Variants in NRG3 observed in about 807,000 individuals in gnomAD.
The protein encoded by NRG3 is neuregulin 3.
NRG3 carries 31 observed loss-of-function variants against 66.9 expected under a neutral mutation model. The observed-to-expected ratio is 0.46, with a 90% CI of 0.35 to 0.63. The LOEUF is 0.63. Ranked by LOEUF, NRG3 falls within the 20% of genes least tolerant of loss-of-function variation. The pLI is 0.00. For synonymous variants in NRG3, 393 were observed against 359.4 expected (o/e 1.09, Z -1.06); for missense variants, 910 against 878.9 (o/e 1.04, Z -0.45).
rs371719699 is a variant in NRG3 at position 82,861,933 on chromosome 10, T to C, written c.1028-3478T>C. On this transcript the variant is annotated intron_variant, in intron 3 of 8. Transcript: ENST00000372141. ...TTCACAAATATTATTTTTAGTGTAA[T>C]GATAGGTAATCCTTATTTTAAATGT... 1.7e-4 allele frequency among the ~76,000 whole-genome samples: 26 copies of C among 152,362 alleles called. No homozygotes were observed. In the East Asian group the frequency reaches 3.5e-3, roughly 20 times the overall value.
intron 1 of NRG3, among the ~76,000 whole-genome samples, chr10:81,991,895 C>T (rs2060756655): frequency 6.6e-6 from 1 of 151,970 alleles, no homozygotes; most frequent in African/African-American, 2.4e-5. Flanking sequence ...CCAATAATTT[C>T]CATAATTATT....
chr10:81,997,053 A>G (rs1256679282), intron 1 of NRG3, among the ~76,000 whole-genome samples: 3 of 152,196 alleles, frequency 2.0e-5, no homozygotes, highest in African/African-American at 4.8e-5. Context: ...TTATGAATCT[A>G]TAAGAGACTA....
In NRG3 at chr10:81,963,125, C is replaced by CTTTTTTTT. The variant is rs777026850; in HGVS notation, c.823+86981_823+86988dup. 2.0e-3 allele frequency among the ~76,000 whole-genome samples: 139 copies of CTTTTTTTT among 70,116 alleles called. 24 individuals are homozygous for CTTTTTTTT. Among genetic ancestry groups the CTTTTTTTT allele is most frequent in the African/African-American group, 8.0e-3 (125 of 15,654 alleles). 46.0% of individuals were successfully genotyped at this position (70,116 alleles called of 152,430 possible). A position where few individuals can be genotyped will look rare whatever the true frequency, so the allele number is the denominator to read the frequency against. On this transcript the variant is annotated intron_variant, in intron 1 of 8. Transcript: ENST00000372141. ...GAAAATATGATCTGCCACGAGGGCTCTTTTTTTTTTTTTTTTTTTTTTTTT... is the reference window on the plus strand; with the variant it reads ...GAAAATATGATCTGCCACGAGGGCTCTTTTTTTTTTTTTTTTTTTTTTTTTTTTTTTTT...
chr10:82,255,092 A>T (rs1417424394), intron 1 of NRG3, among the ~76,000 whole-genome samples: 1 of 152,170 alleles, frequency 6.6e-6, no homozygotes, highest in Admixed American at 6.6e-5. Flanking sequence ...AGTGATGCTG[A>T]TATTATGTAC....
chr10:82,455,350 T>G (rs1209066976), intron 2 of NRG3, among the ~76,000 whole-genome samples: 1 of 152,218 alleles, frequency 6.6e-6, no homozygotes, highest in Non-Finnish European at 1.5e-5. Flanking sequence ...GACACAATCT[T>G]GTTACTGTAC....
chr10:82,073,588 G>T (rs980784700), intron 1 of NRG3, among the ~76,000 whole-genome samples: 1 of 151,824 alleles, frequency 6.6e-6, no homozygotes, highest in African/African-American at 2.4e-5. Flanking sequence ...GATCATATAG[G>T]GAATGTCTAC....
intron 2 of NRG3, among the ~76,000 whole-genome samples, chr10:82,440,576 T>C (rs1333282573): frequency 6.6e-6 from 1 of 151,164 alleles, no homozygotes; most frequent in Non-Finnish European, 1.5e-5. Flanking sequence ...GTGGCTAATA[T>C]CTTATCTGTA....
intron 2 of NRG3, among the ~76,000 whole-genome samples, chr10:82,577,742 A>G (rs547941677): frequency 6.6e-6 from 1 of 151,886 alleles, no homozygotes; most frequent in African/African-American, 2.4e-5. Context: ...CATCTATGTT[A>G]ATGGATTAGA....
intron 1 of NRG3, among the ~76,000 whole-genome samples, chr10:81,921,513 T>G (rs1846252114): frequency 6.6e-6 from 1 of 152,114 alleles, no homozygotes; most frequent in Non-Finnish European, 1.5e-5. Context: ...TAAGTAAGAC[T>G]TTCCTCAATT....
At chr10:82,817,101 C>T (rs188486526) in intron 3 of NRG3, among the ~76,000 whole-genome samples, 47 of 152,294 alleles carry the variant, frequency 3.1e-4, no homozygotes, top group African/African-American at 1.1e-3. Flanking sequence ...AAAGATTTCC[C>T]CAGTTTCCAG....
intron 1 of NRG3, among the ~76,000 whole-genome samples, chr10:81,888,386 T>C (rs1468732246): frequency 2.0e-5 from 3 of 152,190 alleles, no homozygotes; most frequent in Non-Finnish European, 4.4e-5. Flanking sequence ...AATGGCATTA[T>C]TACAGTTCTG....
At chr10:82,533,574 T>C (rs1378958980) in intron 2 of NRG3, among the ~76,000 whole-genome samples, 1 of 152,130 alleles carries the variant, frequency 6.6e-6, no homozygotes, top group Non-Finnish European at 1.5e-5. Flanking sequence ...AAAGTAGGAA[T>C]AGAAGAAAAT....
chr10:82,454,581 A>G (rs565463136), intron 2 of NRG3, among the ~76,000 whole-genome samples: 1 of 152,368 alleles, frequency 6.6e-6, no homozygotes, highest in East Asian at 1.9e-4. Context: ...CAATTACTTC[A>G]TATATACTGC....
At chr10:82,612,078 G>A (rs1052033707) in intron 2 of NRG3, among the ~76,000 whole-genome samples, 2 of 152,152 alleles carry the variant, frequency 1.3e-5, no homozygotes, top group African/African-American at 2.4e-5. Flanking sequence ...TCTGAGAAGT[G>A]TCTGTTCATA....
At chr10:82,345,240 A>G (rs1006148026) in intron 1 of NRG3, among the ~76,000 whole-genome samples, 1 of 138,884 alleles carries the variant, frequency 7.2e-6, no homozygotes, top group African/African-American at 3.2e-5. Flanking sequence ...TCATTTTTGT[A>G]TAAGGTGTAA....
At position 82,959,024 on chromosome 10, in the gene NRG3, C is replaced by A. The variant is rs1592094135; in HGVS notation, c.1233C>A (p.Ser411Arg). Residue 411 changes from serine (S) to arginine (R), a missense_variant, in exon 6 of 9, where the codon AGC (serine) becomes AGA (arginine). By Grantham distance (110) the Ser-to-Arg change is moderately radical. Coordinates refer to ENST00000372141, the MANE Select transcript of NRG3 (RefSeq NM_001010848.4). The stretch of plus-strand genomic sequence containing the variant: ...AAAGCTACAGTCTCAAAGCATCCAG[C>A]ACAATGGCAAAGTCAGAGAACTTGG... Reference protein sequence around the residue: ...NGKSYSLKASSTMAKSENLVK... With the variant: ...NGKSYSLKASRTMAKSENLVK... The A allele has an allele frequency of 6.2e-7, 1 of 1,607,816 alleles. No homozygotes were observed. The highest frequency in any genetic ancestry group is 8.5e-7 in the Non-Finnish European group (1 of 1,178,262).
intron 4 of NRG3, among the ~76,000 whole-genome samples, chr10:82,883,490 C>T (rs1842469999): frequency 6.6e-6 from 1 of 152,092 alleles, no homozygotes; most frequent in Admixed American, 6.6e-5. Context: ...TCCTGAGTCT[C>T]AGTATTCTTG....
chr10:82,383,535 C>T (rs2085769831), intron 2 of NRG3, among the ~76,000 whole-genome samples: 1 of 151,934 alleles, frequency 6.6e-6, no homozygotes, highest in Non-Finnish European at 1.5e-5. Context: ...AAGTACTTAA[C>T]ACCATGATTG....
At chr10:82,879,050 T>C (rs1842069613) in intron 4 of NRG3, among the ~76,000 whole-genome samples, 1 of 152,240 alleles carries the variant, frequency 6.6e-6, no homozygotes, top group African/African-American at 2.4e-5. Context: ...AGACTTAGCC[T>C]CTCTATTTTA....
Sources: gnomAD v4.1 joint callset for allele counts (sites outside exome capture counted in the v4.1 genomes callset) on GRCh38, gnomAD v4.1.1 for gene constraint, MANE v1.5 for transcripts, NCBI Gene and HGNC (gene_info 2026-07-23, HGNC 2026-07-21) for gene names.